Variants in TCF4 observed in about 807,000 individuals in gnomAD.
TCF4 encodes the protein transcription factor 4.
TCF4 carries 3 observed loss-of-function variants against 82.1 expected under a neutral mutation model. The ratio of observed to expected loss-of-function variants is 0.04; its 90% CI spans 0.02 to 0.09. The LOEUF (loss-of-function observed/expected upper bound fraction) is 0.09. TCF4 is among the 10% of genes least tolerant of loss of function. The probability of loss-of-function intolerance (pLI) is 1.00; values close to 1 mark genes in which losing one functional copy is unlikely to be tolerated. For missense variants in TCF4, 518 were observed against 852.7 expected, an observed-to-expected ratio of 0.61 and a Z score of 4.89; for synonymous variants, 276 against 309.6, an observed-to-expected ratio of 0.89 and a Z score of 1.14.
intron 4 of TCF4, 29 bp downstream of exon 4, chr18:55,464,047 T>C (rs749233700): frequency 2.5e-6 from 4 of 1,606,326 alleles, no homozygotes; most frequent in African/African-American, 1.4e-5. Context: ...GGATGTCTGG[T>C]TGTGGGAGAA....
intron 3 of TCF4, among the ~76,000 whole-genome samples, chr18:55,568,348 CATAA>C (rs200233553): frequency 0.012 from 1,819 of 151,394 alleles, 28 homozygotes; most frequent in Admixed American, 0.017. Flanking sequence ...AGAAGGAATA[CATAA>C]ATAAAGTTAT....
At chr18:55,386,014 G>A (rs1186821971) in intron 6 of TCF4, among the ~76,000 whole-genome samples, 3 of 152,172 alleles carry the variant, frequency 2.0e-5, no homozygotes, top group Non-Finnish European at 4.4e-5. Flanking sequence ...CTGCATTCAT[G>A]ACCAACAAGC....
At chr18:55,540,151 A>G (rs893670975) in intron 3 of TCF4, among the ~76,000 whole-genome samples, 5 of 152,020 alleles carry the variant, frequency 3.3e-5, no homozygotes, top group African/African-American at 1.2e-4. Flanking sequence ...ACAGAGGAGG[A>G]GTAAGGAAGA....
chr18:55,600,717 T>C (rs1311211559), intron 2 of TCF4, among the ~76,000 whole-genome samples: 1 of 152,212 alleles, frequency 6.6e-6, no homozygotes, highest in Non-Finnish European at 1.5e-5. Flanking sequence ...TTTGGGACCA[T>C]TGGAGTGCAG....
intron 9 of TCF4, among the ~76,000 whole-genome samples, chr18:55,276,319 T>C: frequency 6.6e-6 from 1 of 152,136 alleles, no homozygotes; most frequent in East Asian, 1.9e-4. Flanking sequence ...CTTAGGATAT[T>C]TTATTTTTAT....
chr18:55,523,521 G>A (rs1169472911), intron 3 of TCF4, among the ~76,000 whole-genome samples: 5 of 151,922 alleles, frequency 3.3e-5, no homozygotes, highest in Non-Finnish European at 7.4e-5. Flanking sequence ...ATTTTAAATT[G>A]TATGTATATG....
At chr18:55,405,479 A>G (rs1361963153) in intron 5 of TCF4, among the ~76,000 whole-genome samples, 8 of 152,190 alleles carry the variant, frequency 5.3e-5, no homozygotes, top group Non-Finnish European at 1.2e-4. Flanking sequence ...AATACAGTTT[A>G]AGGAAGAAAA....
At chr18:55,313,813 T>C (rs2073296577) in intron 8 of TCF4, among the ~76,000 whole-genome samples, 1 of 152,182 alleles carries the variant, frequency 6.6e-6, no homozygotes, top group African/African-American at 2.4e-5. Context: ...TTGGTAATGT[T>C]ACACAACTTT....
At chr18:55,559,418 A>G (rs1314258560) in intron 3 of TCF4, among the ~76,000 whole-genome samples, 4 of 152,152 alleles carry the variant, frequency 2.6e-5, no homozygotes, top group Non-Finnish European at 5.9e-5. Context: ...TGCACTTATA[A>G]ACACGGATAC....
intron 14 of TCF4, among the ~76,000 whole-genome samples, chr18:55,256,255 A>G (rs2056797825): frequency 6.6e-6 from 1 of 152,180 alleles, no homozygotes; most frequent in South Asian, 2.1e-4. Flanking sequence ...GCTGTGGCCC[A>G]TAACTATACA....
chr18:55,270,064 A>G (rs984678844), intron 10 of TCF4, 101 bp from the exon 11 acceptor site: 32 of 1,481,560 alleles, frequency 2.2e-5, no homozygotes, highest in Non-Finnish European at 2.7e-5. Flanking sequence ...TACAATGGAG[A>G]CAGCTTTTAG....
chr18:55,254,838 A>ACAC, intron 14 of TCF4, 138 bp from the exon 15 acceptor site: 1 of 816,376 alleles, frequency 1.2e-6, no homozygotes, highest in Non-Finnish European at 2.0e-6. Flanking sequence ...CCTTAAAACA[A>ACAC]TAATACAAAT....
At chr18:55,396,765 C>A (rs1383809353) in intron 6 of TCF4, among the ~76,000 whole-genome samples, 4 of 152,130 alleles carry the variant, frequency 2.6e-5, no homozygotes, top group Non-Finnish European at 4.4e-5. Context: ...TATCAATATA[C>A]CTTAAGAGAT....
intron 4 of TCF4, among the ~76,000 whole-genome samples, chr18:55,461,476 C>A (rs940967025): frequency 6.6e-6 from 1 of 152,064 alleles, no homozygotes; most frequent in Admixed American, 6.6e-5. Context: ...CACATTAAAG[C>A]AAAATTGTGC....
chr18:55,609,521 C>T (rs939473039), intron 2 of TCF4, among the ~76,000 whole-genome samples: 6 of 152,104 alleles, frequency 3.9e-5, no homozygotes, highest in Admixed American at 6.5e-5. Context: ...ACTACTGAAA[C>T]GGGTGTGCTT....
intron 5 of TCF4, chr18:55,423,534 T>A (rs555982132): frequency 6.6e-6 from 1 of 152,312 alleles, no homozygotes; most frequent in East Asian, 1.9e-4. Flanking sequence ...TGACCACTTT[T>A]TTGAGCTAAA....
chr18:55,517,749 T>G (rs772988499), intron 3 of TCF4, among the ~76,000 whole-genome samples: 6 of 152,076 alleles, frequency 3.9e-5, no homozygotes, highest in Non-Finnish European at 7.4e-5. Context: ...ATAAACATCC[T>G]CAGTGCAAGC....
At chr18:55,342,575 A>C (rs1482226546) in intron 8 of TCF4, among the ~76,000 whole-genome samples, 1 of 152,204 alleles carries the variant, frequency 6.6e-6, no homozygotes, top group Non-Finnish European at 1.5e-5. Context: ...TCAGGCCATA[A>C]ACATTCTCCT....
chr18:55,401,385 T>C, intron 6 of TCF4: 4 of 1,105,098 alleles, frequency 3.6e-6, no homozygotes, highest in Non-Finnish European at 4.4e-6. Context: ...AAATTAAGAA[T>C]GAAGGAATCT....
Sources: allele counts gnomAD v4.1 joint callset (sites outside exome capture counted in the v4.1 genomes callset), GRCh38; gene constraint gnomAD v4.1.1; transcripts MANE v1.5; gene names NCBI Gene and HGNC (gene_info 2026-07-23, HGNC 2026-07-21).